MACROD2: variants seen among roughly 807,000 people sequenced by gnomAD.
MACROD2 encodes mono-ADP ribosylhydrolase 2, also known as ADP-ribose glycohydrolase MACROD2.
A neutral mutation model predicts 70.4 loss-of-function variants in MACROD2; 36 were observed. The ratio of observed to expected loss-of-function variants is 0.51; its 90% CI spans 0.39 to 0.68. The LOEUF (loss-of-function observed/expected upper bound fraction) is 0.68. Ranked by LOEUF, MACROD2 falls within the 30% of genes least tolerant of loss-of-function variation. The pLI is 0.00. For synonymous variants in MACROD2, 172 were observed against 178.8 expected (o/e 0.96, Z 0.30); for missense variants, 496 against 538.4 (o/e 0.92, Z 0.78).
At chr20:15,627,733 G>T (rs764821838) in intron 8 of MACROD2, among the ~76,000 whole-genome samples, 3 of 152,178 alleles carry the variant, frequency 2.0e-5, no homozygotes, top group Non-Finnish European at 4.4e-5. Flanking sequence ...TTATCTGTAG[G>T]ACAGATCTTG....
intron 3 of MACROD2, among the ~76,000 whole-genome samples, chr20:14,394,680 G>A (rs1216362194): frequency 2.6e-5 from 4 of 152,160 alleles, no homozygotes; most frequent in African/African-American, 9.7e-5. Context: ...TAATCTCAGG[G>A]GTAAAGCTTT....
intron 8 of MACROD2, among the ~76,000 whole-genome samples, chr20:15,629,458 G>T (rs187574246): frequency 2.6e-5 from 4 of 152,272 alleles, no homozygotes; most frequent in African/African-American, 4.8e-5. Flanking sequence ...TTATCTTATA[G>T]AAATACGTGG....
chr20:14,204,238 C>T (rs1226588493), intron 3 of MACROD2, among the ~76,000 whole-genome samples: 1 of 152,276 alleles, frequency 6.6e-6, no homozygotes, highest in Admixed American at 6.5e-5. Context: ...GGGGCAGGCT[C>T]CCTGGTGTCC....
intron 5 of MACROD2, among the ~76,000 whole-genome samples, chr20:14,813,386 G>T (rs2072737791): frequency 1.4e-5 from 2 of 142,504 alleles, no homozygotes; most frequent in South Asian, 2.2e-4. Context: ...AGTGTATGTT[G>T]TTTCCCTCCC....
intron 4 of MACROD2, among the ~76,000 whole-genome samples, chr20:14,574,666 ATATAT>A (rs1233539630): frequency 2.0e-5 from 3 of 150,944 alleles, no homozygotes; most frequent in African/African-American, 4.8e-5. Flanking sequence ...TTATTATGAA[ATATAT>A]TATAAAACAT....
At chr20:14,534,134 G>C (rs2085337583) in intron 4 of MACROD2, among the ~76,000 whole-genome samples, 1 of 152,180 alleles carries the variant, frequency 6.6e-6, no homozygotes, top group African/African-American at 2.4e-5. Flanking sequence ...TGTTTCTTGA[G>C]GATGGTGTGG....
At chr20:15,939,403 C>T (rs924367076) in intron 12 of MACROD2, among the ~76,000 whole-genome samples, 7 of 152,054 alleles carry the variant, frequency 4.6e-5, no homozygotes, top group East Asian at 1.9e-4. Context: ...AACAATTAGG[C>T]GAAGTCTACC....
At chr20:15,715,694 GACACTCTGCT>G (rs1316826158) in intron 8 of MACROD2, among the ~76,000 whole-genome samples, 2 of 152,052 alleles carry the variant, frequency 1.3e-5, no homozygotes, top group African/African-American at 4.8e-5. Context: ...TTCATTTAGG[GACACTCTGCT>G]AATTTTACAT....
At chr20:15,815,000 C>T (rs7273944) in intron 8 of MACROD2, among the ~76,000 whole-genome samples, 36,524 of 152,154 alleles carry the variant, frequency 0.24, 4,585 homozygotes, top group African/African-American at 0.32. Context: ...TGGTTGAAAT[C>T]CACCTGCTTA....
intron 5 of MACROD2, among the ~76,000 whole-genome samples, chr20:14,826,485 C>G (rs146971132): frequency 5.0e-4 from 76 of 152,014 alleles, no homozygotes; most frequent in African/African-American, 1.5e-3. Flanking sequence ...TTTTTATTTT[C>G]TTTTCCTACA....
rs548608879 is a variant in MACROD2 at position 15,640,362 on chromosome 20, G to A, written c.645+140515G>A. The stretch of plus-strand genomic sequence containing the variant: ...GGTGATGGAGACTGAGACAAAGACG[G>A]TGAGACCCAGGTACAGACGCAGAGT... On this transcript the variant is annotated intron_variant, in intron 8 of 17. Transcript: ENST00000684519. 3.7e-4 allele frequency among the ~76,000 whole-genome samples: 57 copies of A among 152,260 alleles called. 1 individual carries two copies. The highest frequency in any genetic ancestry group is 1.3e-3 in the African/African-American group (54 of 41,568).
At chr20:15,659,304 CTTTTTTTTTTTTTTT>C (rs11468344) in intron 8 of MACROD2, among the ~76,000 whole-genome samples, 3 of 67,266 alleles carry the variant, frequency 4.5e-5, no homozygotes, top group South Asian at 1.7e-3. Context: ...GATAGCACAG[CTTTTTTTTTTTTTTT>C]TTTTTTTTTT....
intron 8 of MACROD2, among the ~76,000 whole-genome samples, chr20:15,690,874 TA>T (rs1457167346): frequency 6.6e-6 from 1 of 152,200 alleles, no homozygotes. Context: ...CCTTTATATT[TA>T]TTATGTCATT....
At chr20:15,532,270 C>T (rs907014911) in intron 8 of MACROD2, among the ~76,000 whole-genome samples, 5 of 152,038 alleles carry the variant, frequency 3.3e-5, no homozygotes, top group Non-Finnish European at 7.4e-5. Context: ...AATAATTACT[C>T]ATTGTTCATC....
At chr20:14,116,563 T>C (rs1259536132) in intron 3 of MACROD2, among the ~76,000 whole-genome samples, 1 of 152,164 alleles carries the variant, frequency 6.6e-6, no homozygotes, top group Non-Finnish European at 1.5e-5. Flanking sequence ...TTATTTAAAA[T>C]TTCTTTGGAA....
At chr20:15,780,602 A>G (rs2051814768) in intron 8 of MACROD2, among the ~76,000 whole-genome samples, 1 of 152,178 alleles carries the variant, frequency 6.6e-6, no homozygotes, top group African/African-American at 2.4e-5. Context: ...GAGAAATTTA[A>G]ATACCTAAAT....
chr20:15,784,766 G>T (rs2051892705), intron 8 of MACROD2, among the ~76,000 whole-genome samples: 1 of 152,222 alleles, frequency 6.6e-6, no homozygotes, highest in Admixed American at 6.5e-5. Flanking sequence ...TAAATGGGGG[G>T]CCATGGTAGA....
intron 3 of MACROD2, among the ~76,000 whole-genome samples, chr20:14,490,321 A>G (rs917761238): frequency 6.6e-6 from 1 of 152,176 alleles, no homozygotes; most frequent in Non-Finnish European, 1.5e-5. Flanking sequence ...GCTTCAGATA[A>G]CCCTTTTCTT....
chr20:15,732,050 C>G (rs2050951708), intron 8 of MACROD2, among the ~76,000 whole-genome samples: 1 of 147,762 alleles, frequency 6.8e-6, no homozygotes, highest in Admixed American at 6.9e-5. Context: ...GCCACAATGC[C>G]TGGCCAAGTT....
Sources: gnomAD v4.1 joint callset for allele counts (sites outside exome capture counted in the v4.1 genomes callset) on GRCh38, gnomAD v4.1.1 for gene constraint, MANE v1.5 for transcripts, NCBI Gene and HGNC (gene_info 2026-07-23, HGNC 2026-07-21) for gene names.